Variants in NUP54 observed in about 807,000 individuals in gnomAD.
NUP54 encodes the protein nucleoporin 54, also known as nucleoporin p54.
A neutral mutation model predicts 66.4 loss-of-function variants in NUP54; 27 were observed. The ratio of observed to expected loss-of-function variants is 0.41; its 90% CI spans 0.30 to 0.56. The LOEUF is 0.56. Among genes scored for constraint, NUP54 ranks in the 20% least tolerant of loss-of-function variants. NUP54 has a pLI of 0.34. For missense variants in NUP54, 486 were observed against 596.3 expected (o/e 0.82, Z 1.93); for synonymous variants, 206 against 210.7 (o/e 0.98, Z 0.19).
At chr4:76,148,155 C>G in intron 1 of NUP54, 153 bp downstream of exon 1, 1 of 575,472 alleles carries the variant, frequency 1.7e-6, no homozygotes, top group Non-Finnish European at 2.7e-6. Context: ...GCCGCCTCGG[C>G]CCACTCTGCC....
intron 1 of NUP54, among the ~76,000 whole-genome samples, chr4:76,144,769 A>G (rs1332018111): frequency 1.3e-5 from 2 of 152,250 alleles, no homozygotes; most frequent in African/African-American, 2.4e-5. Context: ...GCCTATTGCC[A>G]TAATTCTAAA....
At chr4:76,118,365 T>C in intron 9 of NUP54, 171 bp from the exon 10 acceptor site, 2 of 619,164 alleles carry the variant, frequency 3.2e-6, no homozygotes, top group Non-Finnish European at 5.7e-6. Flanking sequence ...GCAAAAGTTA[T>C]CATATAAATA....
intron 8 of NUP54, among the ~76,000 whole-genome samples, chr4:76,130,434 C>T (rs1028930374): frequency 6.6e-6 from 1 of 152,122 alleles, no homozygotes; most frequent in Non-Finnish European, 1.5e-5. Context: ...AATTAATCCA[C>T]TAAGACAAGA....
intron 5 of NUP54, 107 bp downstream of exon 5, chr4:76,134,068 C>A: frequency 1.4e-6 from 1 of 699,154 alleles, no homozygotes; most frequent in Non-Finnish European, 2.3e-6. Context: ...AAAAGGCATT[C>A]TGCTCTGAGA....
At chr4:76,120,261 T>G (rs1730171219) in intron 9 of NUP54, among the ~76,000 whole-genome samples, 1 of 152,154 alleles carries the variant, frequency 6.6e-6, no homozygotes, top group Admixed American at 6.6e-5. Flanking sequence ...TTTTAAAGTA[T>G]GTACGTTTTC....
chr4:76,132,451 C>A, intron 6 of NUP54, 72 bp downstream of exon 6: 1 of 1,169,300 alleles, frequency 8.6e-7, no homozygotes, highest in Non-Finnish European at 1.2e-6. Context: ...CCAACCAACA[C>A]CTCTGAAATA....
In NUP54 at chr4:76,136,339, A is replaced by G; in HGVS notation, c.369T>C (p.Ala123=). The stretch of plus-strand genomic sequence containing the variant: ...CTCCCAACAGCGTTGGAGCAGAAAG[A>G]GCACTCGCAGTATTTATCAGCTGGT... ...QSNQLINTAS[A]LSAPTLLGDE... is the part of the protein sequence containing the mutation. The change falls in exon 4 of 12, where the codon GCT becomes GCC. Residue 123 remains alanine (A), a synonymous_variant. Transcript: ENST00000264883. The G allele has an allele frequency of 6.2e-7, 1 of 1,614,154 alleles. No homozygotes were observed. Among genetic ancestry groups the G allele is most frequent in the Non-Finnish European group, 8.5e-7 (1 of 1,180,002 alleles).
In NUP54 at chr4:76,136,347, C is replaced by T. The variant is rs1731038751; in HGVS notation, c.361G>A (p.Ala121Thr). 1.2e-6 allele frequency: 2 copies of T among 1,614,060 alleles called. No homozygotes were observed. The highest frequency in any genetic ancestry group is 1.7e-6 in the Non-Finnish European group (2 of 1,179,984). ...AGCGTTGGAGCAGAAAGAGCACTCGCAGTATTTATCAGCTGGTTGGACTGG... is the reference window on the plus strand; with the variant it reads ...AGCGTTGGAGCAGAAAGAGCACTCGTAGTATTTATCAGCTGGTTGGACTGG... ...PTQSNQLINT[A>T]SALSAPTLLG... Residue 121 changes from alanine to threonine, a missense_variant, in exon 4 of 12, where the codon GCG becomes ACG. Coordinates refer to ENST00000264883, the MANE Select transcript of NUP54 (RefSeq NM_017426.4).
chr4:76,133,508 C>G (rs1730905422), intron 5 of NUP54, among the ~76,000 whole-genome samples: 2 of 151,914 alleles, frequency 1.3e-5, no homozygotes, highest in Non-Finnish European at 2.9e-5. Context: ...AGGGTTTCAC[C>G]GTGTCAGCCA....
At chr4:76,117,132 A>C (rs1729984058) in intron 11 of NUP54, among the ~76,000 whole-genome samples, 1 of 152,084 alleles carries the variant, frequency 6.6e-6, no homozygotes, top group South Asian at 2.1e-4. Flanking sequence ...ACTCTCTATT[A>C]ATTGGACTAC....
intron 7 of NUP54, 45 bp from the exon 8 acceptor site, chr4:76,130,794 T>C (rs1477533782): frequency 1.6e-6 from 2 of 1,242,936 alleles, no homozygotes; most frequent in Non-Finnish European, 2.4e-6. Context: ...AGCCTATTAC[T>C]ACAAAATACA....
intron 3 of NUP54, among the ~76,000 whole-genome samples, chr4:76,142,852 G>A (rs1455266714): frequency 6.6e-6 from 1 of 151,938 alleles, no homozygotes; most frequent in Non-Finnish European, 1.5e-5. Context: ...TGCAGTTTCT[G>A]ACATTAAAAA....
chr4:76,143,433 G>A (rs34504521), intron 3 of NUP54, among the ~76,000 whole-genome samples: 19,959 of 152,038 alleles, frequency 0.13, 1,515 homozygotes, highest in East Asian at 0.35. Flanking sequence ...GTAAAACTCC[G>A]TCTCTACTAA....
At chr4:76,118,661 G>A (rs1375559312) in intron 9 of NUP54, among the ~76,000 whole-genome samples, 3 of 149,970 alleles carry the variant, frequency 2.0e-5, no homozygotes, top group African/African-American at 7.4e-5. Flanking sequence ...CTCCCAGAGT[G>A]CTGGGTTTAC....
chr4:76,135,698 T>G (rs780005507), intron 4 of NUP54, among the ~76,000 whole-genome samples: 28 of 152,198 alleles, frequency 1.8e-4, no homozygotes, highest in Non-Finnish European at 3.7e-4. Flanking sequence ...ACCTAAATAC[T>G]CTCACTGGCT....
At chr4:76,126,648 G>T (rs1730550160) in intron 8 of NUP54, among the ~76,000 whole-genome samples, 1 of 115,336 alleles carries the variant, frequency 8.7e-6, no homozygotes, top group African/African-American at 2.8e-5. Context: ...TCTAGGAATT[G>T]ATCCAAGAAA....
intron 8 of NUP54, among the ~76,000 whole-genome samples, chr4:76,126,495 T>C (rs1185919033): frequency 6.6e-6 from 1 of 152,212 alleles, no homozygotes; most frequent in Non-Finnish European, 1.5e-5. Context: ...TTACAAAACC[T>C]AGGCAATCTC....
At position 76,136,250 on chromosome 4, in the gene NUP54, C is replaced by T; in HGVS notation, c.458G>A (p.Gly153Glu). The change falls in exon 4 of 12, where the codon GGG (glycine) becomes GAG (glutamate). Residue 153 changes from glycine to glutamate, a missense_variant. Around this residue, in one of 4 missense-constraint regions of NUP54, gnomAD observed 41 missense variants for 82.7 expected, o/e 0.50. Coordinates refer to ENST00000264883, the MANE Select transcript of NUP54 (RefSeq NM_017426.4). ...TGGCGGAATATTATTGTTGAAATAC[C>T]CTTTTCCTGTTCCCCAAAAGGCCTG... is the stretch of plus-strand genomic sequence containing the variant. ...QLQAFWGTGK[G>E]YFNNNIPPVE... 6.2e-7 allele frequency: 1 copy of T among 1,613,922 alleles called. No homozygotes were observed. Among genetic ancestry groups the T allele is most frequent in the African/African-American group, 1.3e-5 (1 of 74,944 alleles).
At chr4:76,136,626 A>G (rs1239430399) in intron 3 of NUP54, among the ~76,000 whole-genome samples, 1 of 152,172 alleles carries the variant, frequency 6.6e-6, no homozygotes, top group Non-Finnish European at 1.5e-5. Flanking sequence ...GATTATCAGG[A>G]GGGACTCAAC....
Sources: gnomAD v4.1 joint callset for allele counts (sites outside exome capture counted in the v4.1 genomes callset) on GRCh38, gnomAD v4.1.1 for gene constraint, gnomAD v4.1.1 regional missense constraint, MANE v1.5 for transcripts, NCBI Gene and HGNC (gene_info 2026-07-23, HGNC 2026-07-21) for gene names.